Variants in RXRB observed in about 807,000 individuals in gnomAD.
RXRB encodes retinoic acid receptor RXR-beta.
In RXRB, 18 loss-of-function variants were observed where a neutral mutation model predicts 52.5. The ratio of observed to expected loss-of-function variants is 0.34; its 90% CI spans 0.24 to 0.51. The LOEUF is 0.51. RXRB is among the 20% of genes least tolerant of loss of function. The pLI, the probability that RXRB is intolerant of heterozygous loss-of-function variation, is 0.97. For missense variants in RXRB, 455 were observed against 698.2 expected, an observed-to-expected ratio of 0.65 and a Z score of 3.92; for synonymous variants, 233 against 267.1, an observed-to-expected ratio of 0.87 and a Z score of 1.25.
chr6:33,196,465 C>A lies in RXRB; in HGVS notation c.962G>T (p.Gly321Val). 6.2e-7 allele frequency: 1 copy of A among 1,613,064 alleles called. No individual in the cohort carries two copies. Among genetic ancestry groups the A allele is most frequent in the East Asian group, 2.2e-5 (1 of 44,880 alleles). Reference sequence around the variant, plus strand: ...GCCGCTACCCCCGGTTCCCCCAGGACCCTCAACGCCCTGGTCACTCTTCTG... The same window carrying A: ...GCCGCTACCCCCGGTTCCCCCAGGAACCTCAACGCCCTGGTCACTCTTCTG... ...VEQKSDQGVE[G>V]PGGTGGSGSS... Residue 321 changes from glycine (G) to valine (V), a missense_variant, in exon 5 of 10, where the codon GGT becomes GTT. Physicochemically the swap from Gly to Val is moderately radical, Grantham distance 109 (BLOSUM62 -3). Coordinates refer to ENST00000374680, the MANE Select transcript of RXRB (RefSeq NM_021976.5). This position sits in a 1 kb window ranked among gnomAD's most constrained non-coding sequence, Gnocchi z 4.0.
rs747946067 is a variant in RXRB, at chr6:33,200,385, C to G, written c.92G>C (p.Gly31Ala). 6.4e-7 allele frequency: 1 copy of G among 1,564,614 alleles called. No individual in the cohort carries two copies. The highest frequency in any genetic ancestry group is 1.2e-5 in the South Asian group (1 of 86,164). The change falls in exon 1 of 10, where the codon GGG becomes GCG. Residue 31 changes from glycine to alanine, a missense_variant. By Grantham distance (60) the Gly-to-Ala change is moderately conservative. Coordinates refer to ENST00000374680, the MANE Select transcript of RXRB (RefSeq NM_021976.5). The surrounding 1 kb of genome is among the most constrained non-coding windows in gnomAD (Gnocchi z 6.3). ...TCGCCGCCGCCACCGGGACGCGACC[C>G]CACAATGCATTTCTTTTCGCACCCC... The part of the protein sequence containing the change: ...PVGVRKEMHC[G>A]VASRWRRRRP...
At chr6:33,200,776 C>T (rs1317533545), upstream of RXRB, 4 of 1,535,056 alleles carry the variant, frequency 2.6e-6, no homozygotes, top group Non-Finnish European at 3.5e-6. The surrounding 1 kb of genome is among the most constrained non-coding windows in gnomAD (Gnocchi z 6.3). Context: ...CCTCCACACT[C>T]GCGCATGCGT....
chr6:33,200,809 G>T, upstream of RXRB: 1 of 1,522,400 alleles, frequency 6.6e-7, no homozygotes, highest in Non-Finnish European at 8.9e-7. The surrounding 1 kb of genome is among the most constrained non-coding windows in gnomAD (Gnocchi z 6.3). Flanking sequence ...TGGATTCGTC[G>T]CTACCGGAGT....
rs1773838504 is a variant in RXRB at position 33,195,658 on chromosome 6, C to T, written c.1168G>A (p.Asp390Asn). ...LIASFSHRSI[D>N]VRDGILLATG... is the part of the protein sequence containing the mutation. The stretch of plus-strand genomic sequence containing the variant: ...GCAAGGAGGATGCCATCTCGAACAT[C>T]AATGGATCGGTGTGAGAAGGAGGCA... The change falls in exon 7 of 10, where the codon GAT becomes AAT. Residue 390 changes from aspartate to asparagine, a missense_variant. Asp to Asn is a conservative substitution (Grantham distance 23). Transcript: ENST00000374680. This position sits in a 1 kb window ranked among gnomAD's most constrained non-coding sequence, Gnocchi z 8.6. 1 of 1,612,866 alleles carries T rather than the reference C, an allele frequency of 6.2e-7. No homozygotes were observed. Among genetic ancestry groups the T allele is most frequent in the African/African-American group, 1.3e-5 (1 of 74,904 alleles).
At chr6:33,200,805 C>A, upstream of RXRB, 1 of 1,523,052 alleles carries the variant, frequency 6.6e-7, no homozygotes. The surrounding 1 kb of genome is among the most constrained non-coding windows in gnomAD (Gnocchi z 6.3). Flanking sequence ...AGGATGGATT[C>A]GTCGCTACCG....
chr6:33,199,309 C>T lies in RXRB; in HGVS notation c.343G>A (p.Gly115Ser). The T allele has an allele frequency of 1.0e-5, 12 of 1,175,736 alleles. No individual in the cohort carries two copies. The highest frequency in any genetic ancestry group is 1.2e-5 in the Non-Finnish European group (11 of 927,172). The allele number at this position is 1,175,736 out of a possible 1,614,324, so 72.8% of individuals were successfully genotyped here. A position where few individuals can be genotyped will look rare whatever the true frequency, so the allele number is the denominator to read the frequency against. ...LPPSTAPSLG[G>S]SGAPPPPPMP... ...GGGGGTGGGGGTGGGGCCCCAGAGC[C>T]TCCAAGGGATGGAGCTGTTGAAGGG... Residue 115 changes from glycine (G) to serine (S), a missense_variant, in exon 2 of 10, where the codon GGC becomes AGC. Gly to Ser is a moderately conservative substitution (Grantham distance 56). Coordinates refer to ENST00000374680, the MANE Select transcript of RXRB (RefSeq NM_021976.5).
intron 3 of RXRB, 148 bp downstream of exon 3, chr6:33,198,160 G>T: frequency 8.1e-7 from 1 of 1,229,698 alleles, no homozygotes; most frequent in Non-Finnish European, 1.2e-6. Context: ...CCCCAATCGC[G>T]TCCTACATCT....
chr6:33,194,969 T>C lies in RXRB; in HGVS notation c.1430A>G (p.Gln477Arg), dbSNP rs1210289103. ...CCGTCCCTGCTGCTCAGGGTACTTC[T>C]GTTTGCAGTAGGTCTCCAGTGATGC... The part of the protein sequence containing the change: ...VYASLETYCK[Q>R]KYPEQQGRFA... The change falls in exon 9 of 10, where the codon CAG (glutamine) becomes CGG (arginine). Residue 477 changes from glutamine (Q) to arginine (R), a missense_variant. Coordinates refer to ENST00000374680, the MANE Select transcript of RXRB (RefSeq NM_021976.5). This position sits in a 1 kb window ranked among gnomAD's most constrained non-coding sequence, Gnocchi z 4.1. 1 of 1,612,756 alleles carries C rather than the reference T, an allele frequency of 6.2e-7. No individual in the cohort carries two copies. The highest frequency in any genetic ancestry group is 1.6e-4 in the Middle Eastern group (1 of 6,084).
Position 33,193,881 on chromosome 6 carries a change from G to A in RXRB, c.*801C>T, listed in dbSNP as rs1040140671. 6.7e-6 allele frequency: 1 copy of A among 148,230 alleles called. No homozygotes were observed. Among genetic ancestry groups the A allele is most frequent in the Non-Finnish European group, 1.5e-5 (1 of 66,044 alleles). 9.2% of individuals were successfully genotyped at this position (148,230 alleles called of 1,614,324 possible). On this transcript the variant is annotated 3_prime_UTR_variant, in exon 10 of 10. Coordinates refer to ENST00000374680, the MANE Select transcript of RXRB (RefSeq NM_021976.5). ...CCCTTCCCCAAGTTAGACAGGAAGA[G>A]ATAGGGGGGGCGGCGGGAAGCTGGG... is the stretch of plus-strand genomic sequence containing the variant.
rs184392388 is a variant in RXRB at position 33,196,804 on chromosome 6, A to G, written c.821-198T>C. Reference sequence around the variant, plus strand: ...AAAAGGGCAGGTAAGTCAGTCGGGAAGGGTGAGGTAGGTAAAAGAATTAGG... The same window carrying G: ...AAAAGGGCAGGTAAGTCAGTCGGGAGGGGTGAGGTAGGTAAAAGAATTAGG... On this transcript the variant is annotated intron_variant, in intron 4 of 9. Coordinates refer to ENST00000374680, the MANE Select transcript of RXRB (RefSeq NM_021976.5). This position sits in a 1 kb window ranked among gnomAD's most constrained non-coding sequence, Gnocchi z 4.0. Among the ~76,000 whole-genome samples, 553 of 152,304 alleles carry G rather than the reference A, an allele frequency of 3.6e-3. 8 individuals are homozygous for G. Among genetic ancestry groups the G allele is most frequent in the African/African-American group, 0.012 (510 of 41,554 alleles).
At chr6:33,198,193 A>G in intron 3 of RXRB, 115 bp downstream of exon 3, 3 of 1,460,568 alleles carry the variant, frequency 2.1e-6, no homozygotes, top group Admixed American at 3.4e-5. Flanking sequence ...CTTTACTCCC[A>G]TCAGGCCTCC....
intron 1 of RXRB, chr6:33,199,932 A>G (rs1325590729): frequency 2.8e-6 from 2 of 718,698 alleles, no homozygotes; most frequent in African/African-American, 3.4e-5. Flanking sequence ...CAGGCAGGAG[A>G]GACCCCTCCT....
Position 33,199,220 on chromosome 6 carries a change from A to C in RXRB, c.432T>G (p.Gly144=). 1 of 1,248,482 alleles carries C rather than the reference A, an allele frequency of 8.0e-7. No homozygotes were observed. 77.3% of individuals were successfully genotyped at this position (1,248,482 alleles called of 1,614,324 possible). A position where few individuals can be genotyped will look rare whatever the true frequency, so the allele number is the denominator to read the frequency against. The change falls in exon 2 of 10, where the codon GGT becomes GGG. Residue 144 remains glycine (G), a synonymous_variant. Transcript: ENST00000374680. ...PVISSSMGSP[G]LPPPAPPGFS... is the part of the protein sequence containing the mutation. Reference sequence around the variant, plus strand: ...ATCCTGGGGGAGCTGGAGGGGGCAGACCAGGGGACCCCATGGAAGAACTGA... The same window carrying C: ...ATCCTGGGGGAGCTGGAGGGGGCAGCCCAGGGGACCCCATGGAAGAACTGA...
At position 33,195,111 on chromosome 6, in the gene RXRB, T is replaced by C; in HGVS notation, c.1349-61A>G. ...AAGACAAACCAAATCAGGATGGCCATGCAGATGTGAGCCACAGGATGCCCC... is the reference window on the plus strand; with the variant it reads ...AAGACAAACCAAATCAGGATGGCCACGCAGATGTGAGCCACAGGATGCCCC... On this transcript the variant is annotated intron_variant, in intron 8 of 9. Coordinates refer to ENST00000374680, the MANE Select transcript of RXRB (RefSeq NM_021976.5). This position sits in a 1 kb window ranked among gnomAD's most constrained non-coding sequence, Gnocchi z 8.6. 1 of 1,242,020 alleles carries C rather than the reference T, an allele frequency of 8.1e-7. No individual in the cohort carries two copies. The highest frequency in any genetic ancestry group is 1.2e-6 in the Non-Finnish European group (1 of 845,978). 76.9% of individuals were successfully genotyped at this position (1,242,020 alleles called of 1,614,324 possible). A position where few individuals can be genotyped will look rare whatever the true frequency, so the allele number is the denominator to read the frequency against.
Position 33,200,175 on chromosome 6 carries a change from G to T in RXRB, c.235+67C>A. Reference sequence around the variant, plus strand: ...GCGCAAGGAAAAGAGCACCGGGGGAGGGTGTGGGGGAGGGGTCGCAGATAA... The same window carrying T: ...GCGCAAGGAAAAGAGCACCGGGGGATGGTGTGGGGGAGGGGTCGCAGATAA... On this transcript the variant is annotated intron_variant, in intron 1 of 9. Coordinates refer to ENST00000374680, the MANE Select transcript of RXRB (RefSeq NM_021976.5). The surrounding 1 kb of genome is among the most constrained non-coding windows in gnomAD (Gnocchi z 6.3). 6.4e-7 allele frequency: 1 copy of T among 1,571,906 alleles called. No homozygotes were observed.
intron 2 of RXRB, 171 bp from the exon 3 acceptor site, chr6:33,198,635 A>G: frequency 1.4e-6 from 1 of 731,264 alleles, no homozygotes; most frequent in South Asian, 1.5e-5. Flanking sequence ...CACAACCCCA[A>G]AGTGAATAAA....
upstream of RXRB, chr6:33,200,844 G>C (rs1009122337): frequency 6.7e-7 from 1 of 1,499,954 alleles, no homozygotes; most frequent in East Asian, 2.7e-5. The surrounding 1 kb of genome is among the most constrained non-coding windows in gnomAD (Gnocchi z 6.3). Context: ...AAAGGCATTA[G>C]GGCGAAGGTG....
In RXRB at chr6:33,200,587, T is replaced by G; in HGVS notation, c.-111A>C. On this transcript the variant is annotated 5_prime_UTR_variant, in exon 1 of 10. Transcript: ENST00000374680. The surrounding 1 kb of genome is among the most constrained non-coding windows in gnomAD (Gnocchi z 6.3). ...CCTGAGAGAAAGACTCTGGCCTGGATTGGGTCGAATTAAGCCCGTCGCTCT... is the reference window on the plus strand; with the variant it reads ...CCTGAGAGAAAGACTCTGGCCTGGAGTGGGTCGAATTAAGCCCGTCGCTCT... 28 of 1,489,852 alleles carry G rather than the reference T, an allele frequency of 1.9e-5. No homozygotes were observed. Among genetic ancestry groups the G allele is most frequent in the Non-Finnish European group, 2.4e-5 (27 of 1,120,160 alleles). 92.3% of individuals were successfully genotyped at this position (1,489,852 alleles called of 1,614,324 possible).
rs2150665220 is a variant in RXRB, at chr6:33,197,201, C to G, written c.820+561G>C. Among the ~76,000 whole-genome samples, 1 of 152,326 alleles carries G rather than the reference C, an allele frequency of 6.6e-6. No individual in the cohort carries two copies. The highest frequency in any genetic ancestry group is 2.1e-4 in the South Asian group (1 of 4,832). On this transcript the variant is annotated intron_variant, in intron 4 of 9. Coordinates refer to ENST00000374680, the MANE Select transcript of RXRB (RefSeq NM_021976.5). This position sits in a 1 kb window ranked among gnomAD's most constrained non-coding sequence, Gnocchi z 4.4. ...CTGATCCCAAACCTGCCTGCCACTC[C>G]TTTGTTGCATGACCTTGGGAAAGCC...
Sources: allele counts gnomAD v4.1 joint callset (sites outside exome capture counted in the v4.1 genomes callset), GRCh38; gene constraint gnomAD v4.1.1; non-coding constraint Gnocchi (gnomAD v3.1); transcripts MANE v1.5; gene names NCBI Gene and HGNC (gene_info 2026-07-23, HGNC 2026-07-21).